CKMT2: variants seen among roughly 807,000 people sequenced by gnomAD.
The protein encoded by CKMT2 is creatine kinase, mitochondrial 2, also known as creatine kinase S-type, mitochondrial.
Under a neutral mutation model 48.9 loss-of-function variants are expected in CKMT2, and 43 were observed. The ratio of observed to expected loss-of-function variants is 0.88; its 90% CI spans 0.69 to 1.13. CKMT2 has a LOEUF of 1.13. CKMT2 is among the 50% of genes most tolerant of loss of function. The probability of loss-of-function intolerance (pLI) is 0.00; values close to 1 mark genes in which losing one functional copy is unlikely to be tolerated. For synonymous variants in CKMT2, 206 were observed against 213.0 expected (o/e 0.97, Z 0.29); for missense variants, 472 against 555.4 (o/e 0.85, Z 1.51).
chr5:81,252,384 C>CTCAA (rs1225295040), intron 2 of CKMT2: 2 of 336,370 alleles, frequency 5.9e-6, no homozygotes, highest in Admixed American at 8.8e-5. Context: ...TCTCCTATTC[C>CTCAA]TCAATCAGTA....
intron 8 of CKMT2, among the ~76,000 whole-genome samples, chr5:81,259,959 C>T (rs559000309): frequency 1.3e-5 from 2 of 152,198 alleles, no homozygotes; most frequent in South Asian, 4.2e-4. Context: ...GTAAAATCGA[C>T]CCCACAATTG....
rs774015053 is a variant in CKMT2 at position 81,255,124 on chromosome 5, C to G, written c.579C>G (p.Ile193Met). ...AERREVENVA[I>M]TALEGLKGDL... is the part of the protein sequence containing the mutation. The stretch of plus-strand genomic sequence containing the variant: ...GAAGGGAGGTAGAGAACGTGGCCAT[C>G]ACTGCCCTGGAGGGCCTCAAGGGGG... The change falls in exon 5 of 10, where the codon ATC becomes ATG. Residue 193 changes from isoleucine to methionine, a missense_variant. Ile to Met is a conservative substitution (Grantham distance 10, BLOSUM62 1). Transcript: ENST00000254035. 8.1e-6 allele frequency: 13 copies of G among 1,614,116 alleles called. No individual in the cohort carries two copies. Among genetic ancestry groups the G allele is most frequent in the Non-Finnish European group, 1.0e-5 (12 of 1,180,038 alleles).
chr5:81,264,773 T>A (rs1348439175), intron 9 of CKMT2, among the ~76,000 whole-genome samples: 3 of 152,172 alleles, frequency 2.0e-5, no homozygotes, highest in African/African-American at 7.2e-5. Flanking sequence ...AAAAATAATT[T>A]AAAAACACCA....
At chr5:81,244,800 T>C (rs112466819) in intron 1 of CKMT2, 2 of 152,112 alleles carry the variant, frequency 1.3e-5, no homozygotes, top group African/African-American at 4.8e-5. Context: ...ACCAAGCCAT[T>C]GTTCCTCTAT....
chr5:81,244,176 T>C, intron 1 of CKMT2: 5 of 985,428 alleles, frequency 5.1e-6, no homozygotes, highest in Non-Finnish European at 6.0e-6. Flanking sequence ...CAGGCCACTT[T>C]TCACTAACAG....
intron 9 of CKMT2, among the ~76,000 whole-genome samples, chr5:81,265,926 AAAG>A (rs1222721334): frequency 6.6e-6 from 1 of 152,188 alleles, no homozygotes; most frequent in Non-Finnish European, 1.5e-5. Flanking sequence ...ACATAGTAAA[AAAG>A]CTTTCACATA....
rs2112771845 is a variant in CKMT2 at position 81,233,340 on chromosome 5, T to C, written c.-58T>C. 1.0e-6 allele frequency: 1 copy of C among 985,756 alleles called. No homozygotes were observed. The highest frequency in any genetic ancestry group is 1.2e-6 in the Non-Finnish European group (1 of 830,184). 61.1% of individuals were successfully genotyped at this position (985,756 alleles called of 1,614,324 possible). A position where few individuals can be genotyped will look rare whatever the true frequency, so the allele number is the denominator to read the frequency against. ...TCGCCCTGCATACACTTCTTGGCTGTGTGCGCTCAGCAGGACGTGGGAGGC... is the reference window on the plus strand; with the variant it reads ...TCGCCCTGCATACACTTCTTGGCTGCGTGCGCTCAGCAGGACGTGGGAGGC... On this transcript the variant is annotated 5_prime_UTR_variant, in exon 1 of 10. Coordinates refer to ENST00000254035, the MANE Select transcript of CKMT2 (RefSeq NM_001099735.2).
chr5:81,238,804 G>A (rs1021436078), intron 1 of CKMT2: 6 of 152,284 alleles, frequency 3.9e-5, no homozygotes, highest in African/African-American at 1.4e-4. Context: ...AGCCCTCTCT[G>A]ACCCACCAGG....
At chr5:81,240,482 C>T (rs1206260443) in intron 1 of CKMT2, among the ~76,000 whole-genome samples, 1 of 152,204 alleles carries the variant, frequency 6.6e-6, no homozygotes, top group East Asian at 1.9e-4. Flanking sequence ...GTCTATTCAT[C>T]GTTTCCACTC....
At chr5:81,248,705 C>T (rs143059872) in intron 1 of CKMT2, among the ~76,000 whole-genome samples, 3 of 152,316 alleles carry the variant, frequency 2.0e-5, no homozygotes, top group Non-Finnish European at 4.4e-5. Context: ...GAATTGTTTG[C>T]AGATATTAGC....
chr5:81,255,213 A>G lies in CKMT2; in HGVS notation c.668A>G (p.Asp223Gly). ...GAGCAGGACCAGCAGCGGCTCATCG[A>G]TGTGAGTAGCAGATGGGGCTCCCTG... ...MTEQDQQRLI[D>G]DHFLFDKPVS... The change falls in exon 5 of 10, where the codon GAT becomes GGT. Residue 223 changes from aspartate to glycine, a missense_variant and splice_region_variant. Asp to Gly is a moderately conservative substitution (Grantham distance 94). Transcript: ENST00000254035. 1 of 1,613,700 alleles carries G rather than the reference A, an allele frequency of 6.2e-7. No individual in the cohort carries two copies. Among genetic ancestry groups the G allele is most frequent in the Admixed American group, 1.7e-5 (1 of 59,992 alleles).
intron 8 of CKMT2, among the ~76,000 whole-genome samples, chr5:81,263,289 G>A (rs1049337967): frequency 4.0e-4 from 61 of 151,080 alleles, no homozygotes; most frequent in Non-Finnish European, 7.1e-4. Context: ...AAACCTGCAC[G>A]TTCTGCACAT....
intron 1 of CKMT2, 104 bp downstream of exon 1, chr5:81,233,481 A>AC: frequency 1.2e-6 from 1 of 826,430 alleles, no homozygotes; most frequent in Non-Finnish European, 1.5e-6. Flanking sequence ...GTAGACGGGG[A>AC]CCCCGTTAGG....
chr5:81,265,515 A>C (rs887175818), intron 9 of CKMT2, among the ~76,000 whole-genome samples: 1 of 152,150 alleles, frequency 6.6e-6, no homozygotes, highest in Non-Finnish European at 1.5e-5. Flanking sequence ...AGGTGATCCC[A>C]GGGGAAAAAA....
At chr5:81,247,455 A>AGCT (rs1756649416) in intron 1 of CKMT2, among the ~76,000 whole-genome samples, 1 of 152,228 alleles carries the variant, frequency 6.6e-6, no homozygotes, top group Non-Finnish European at 1.5e-5. Flanking sequence ...TAGGGGTTAC[A>AGCT]GCTGCAGAGA....
chr5:81,248,910 GT>G (rs1756703251), intron 1 of CKMT2, among the ~76,000 whole-genome samples: 1 of 152,266 alleles, frequency 6.6e-6, no homozygotes, highest in African/African-American at 2.4e-5. Context: ...AGGAGTTGAT[GT>G]TTATTCTTCA....
chr5:81,254,995 C>T lies in CKMT2; in HGVS notation c.450C>T (p.Ile150=), dbSNP rs755835006. Residue 150 remains isoleucine (I), a splice_region_variant and synonymous_variant, in exon 5 of 10, where the codon ATC becomes ATT. Coordinates refer to ENST00000254035, the MANE Select transcript of CKMT2 (RefSeq NM_001099735.2). ...TGACCCCACAGTCTGCTTGGCAGAT[C>T]ACCCAAGGGCAGTTCGACGAGCATT... ...KHTTDLDASK[I]TQGQFDEHYV... is the part of the protein sequence containing the mutation. 11 of 1,613,502 alleles carry T rather than the reference C, an allele frequency of 6.8e-6. No homozygotes were observed.
chr5:81,242,745 A>G, intron 1 of CKMT2: 1 of 167,494 alleles, frequency 6.0e-6, no homozygotes, highest in Non-Finnish European at 1.3e-5. Flanking sequence ...AAGGGTTTTT[A>G]AAGCAGGAGT....
chr5:81,256,871 T>C, intron 5 of CKMT2, 44 bp from the exon 6 acceptor site: 1 of 1,416,382 alleles, frequency 7.1e-7, no homozygotes. Context: ...TCCTGTTTGA[T>C]CTCATCAGTC....
Sources: allele counts gnomAD v4.1 joint callset (sites outside exome capture counted in the v4.1 genomes callset), GRCh38; gene constraint gnomAD v4.1.1; transcripts MANE v1.5; gene names NCBI Gene and HGNC (gene_info 2026-07-23, HGNC 2026-07-21).